Variants in DYRK1A observed in about 807,000 individuals in gnomAD.
The protein encoded by DYRK1A is dual specificity tyrosine phosphorylation regulated kinase 1A.
DYRK1A carries 9 observed loss-of-function variants against 79.7 expected under a neutral mutation model. The observed-to-expected ratio is 0.11, with a 90% CI of 0.07 to 0.20. DYRK1A has a LOEUF of 0.20. DYRK1A is among the 10% of genes least tolerant of loss of function. The pLI is 1.00. For missense variants in DYRK1A, 622 were observed against 956.0 expected (o/e 0.65, Z 4.61); for synonymous variants, 349 against 329.7 (o/e 1.06, Z -0.63).
intron 3 of DYRK1A, 110 bp downstream of exon 3, chr21:37,472,990 A>G (rs2052279480): frequency 1.2e-6 from 1 of 843,720 alleles, no homozygotes; most frequent in Admixed American, 3.1e-5. Context: ...TTTACATGCA[A>G]CGTGGGATTA....
intron 5 of DYRK1A, among the ~76,000 whole-genome samples, chr21:37,485,468 A>C (rs2052824738): frequency 6.6e-6 from 1 of 152,174 alleles, no homozygotes; most frequent in Non-Finnish European, 1.5e-5. Flanking sequence ...GTCACAGTAG[A>C]TTTAGCCTTG....
At chr21:37,369,970 A>G (rs1602344400) in intron 1 of DYRK1A, among the ~76,000 whole-genome samples, 1 of 152,228 alleles carries the variant, frequency 6.6e-6, no homozygotes, top group East Asian at 1.9e-4. Context: ...ATGTCTTGTT[A>G]GGGAATGTGG....
chr21:37,432,974 TAA>T (rs1301962561), intron 2 of DYRK1A, among the ~76,000 whole-genome samples: 67 of 114,862 alleles, frequency 5.8e-4, no homozygotes, highest in African/African-American at 1.7e-3. Context: ...AAACTCCATC[TAA>T]AAAAAAAAAA....
At chr21:37,446,627 T>A (rs983952035) in intron 2 of DYRK1A, among the ~76,000 whole-genome samples, 2 of 151,846 alleles carry the variant, frequency 1.3e-5, no homozygotes, top group Admixed American at 1.3e-4. Flanking sequence ...TTTACAAGTG[T>A]GCTCACACGT....
chr21:37,478,447 T>C (rs1430223336), intron 4 of DYRK1A, 147 bp downstream of exon 4: 6 of 613,110 alleles, frequency 9.8e-6, no homozygotes, highest in Non-Finnish European at 1.6e-5. Flanking sequence ...AGAAATAATA[T>C]TACAATTATG....
intron 2 of DYRK1A, among the ~76,000 whole-genome samples, chr21:37,439,732 G>A (rs536022472): frequency 2.7e-4 from 41 of 152,248 alleles, no homozygotes; most frequent in African/African-American, 9.6e-4. Flanking sequence ...CAAAAAGTTT[G>A]GGGGACCGCT....
At chr21:37,374,621 C>T (rs1214461977) in intron 1 of DYRK1A, among the ~76,000 whole-genome samples, 1 of 151,870 alleles carries the variant, frequency 6.6e-6, no homozygotes. Flanking sequence ...GGTGCGATCT[C>T]GGTTTACTGC....
At chr21:37,477,826 G>A (rs904622683) in intron 3 of DYRK1A, among the ~76,000 whole-genome samples, 1 of 152,132 alleles carries the variant, frequency 6.6e-6, no homozygotes, top group Admixed American at 6.5e-5. Flanking sequence ...TTGTGAACCT[G>A]GTCAGGTTTT....
chr21:37,446,452 A>G (rs1312923169), intron 2 of DYRK1A, among the ~76,000 whole-genome samples: 1 of 152,260 alleles, frequency 6.6e-6, no homozygotes, highest in Admixed American at 6.5e-5. Context: ...AAACTTTTAG[A>G]AAATCATTTA....
chr21:37,378,345 C>T (rs954489304), intron 1 of DYRK1A, among the ~76,000 whole-genome samples: 13 of 152,130 alleles, frequency 8.5e-5, no homozygotes, highest in African/African-American at 2.9e-4. Context: ...CGACCCTGAC[C>T]GACATGGAGA....
intron 1 of DYRK1A, among the ~76,000 whole-genome samples, chr21:37,374,148 G>T (rs1053835546): frequency 6.6e-6 from 1 of 151,848 alleles, no homozygotes; most frequent in Non-Finnish European, 1.5e-5. Flanking sequence ...CTTGTATCAC[G>T]TAAGCAATAT....
Position 37,506,103 on chromosome 21 carries a change from C to T in DYRK1A, c.1524C>T (p.Gly508=), listed in dbSNP as rs2053587564. ...TTTTGTGTTGTGATATTTCAGGTGG[C>T]TCATCGGGGACAAGCAACAGTGGGA... The part of the protein sequence containing the change: ...TTSSTSSSSG[G]SSGTSNSGRA... The change falls in exon 11 of 12, where the codon GGC becomes GGT. Residue 508 remains glycine (G), a synonymous_variant. Transcript: ENST00000647188. 2 of 1,609,784 alleles carry T rather than the reference C, an allele frequency of 1.2e-6. No individual in the cohort carries two copies. The highest frequency in any genetic ancestry group is 2.7e-5 in the African/African-American group (2 of 74,850).
intron 8 of DYRK1A, among the ~76,000 whole-genome samples, chr21:37,495,478 T>C (rs1228556900): frequency 1.3e-5 from 2 of 152,100 alleles, no homozygotes; most frequent in Non-Finnish European, 2.9e-5. Flanking sequence ...ACCAACATGG[T>C]GAAACCCTGT....
At chr21:37,367,844 TGGGAGCGGGGGCCGCGGCCTCCC>T (rs2049343064) in intron 1 of DYRK1A, among the ~76,000 whole-genome samples, 1 of 147,220 alleles carries the variant, frequency 6.8e-6, no homozygotes, top group African/African-American at 2.5e-5. Context: ...TTGCGGAGGG[TGGGAGCGGGGGCCGCGGCCTCCC>T]GGGAGCCGGG....
rs1307961987 is a variant in DYRK1A at position 37,520,425 on chromosome 21, C to A, written c.*7894C>A. On this transcript the variant is annotated 3_prime_UTR_variant, in exon 12 of 12. Transcript: ENST00000647188. ...AGGAAATAATTGCTGCTTTTTTCTT[C>A]TTCTTTATTCTGTTGACTTTGTTGA... is the stretch of plus-strand genomic sequence containing the variant. 6.6e-6 allele frequency: 1 copy of A among 152,256 alleles called. No homozygotes were observed. Among genetic ancestry groups the A allele is most frequent in the East Asian group, 1.9e-4 (1 of 5,182 alleles). 9.4% of individuals were successfully genotyped at this position (152,256 alleles called of 1,614,324 possible).
At chr21:37,455,367 A>G (rs1326649226) in intron 2 of DYRK1A, among the ~76,000 whole-genome samples, 4 of 152,122 alleles carry the variant, frequency 2.6e-5, no homozygotes, top group Non-Finnish European at 5.9e-5. Flanking sequence ...TTTAAATGTC[A>G]TATGTTTAAT....
chr21:37,392,490 A>G (rs2049889212), intron 1 of DYRK1A, among the ~76,000 whole-genome samples: 1 of 152,250 alleles, frequency 6.6e-6, no homozygotes, highest in South Asian at 2.1e-4. Context: ...TATTTTTCAC[A>G]GTTCTGGAGG....
chr21:37,391,631 T>G (rs987161080), intron 1 of DYRK1A, among the ~76,000 whole-genome samples: 1 of 152,238 alleles, frequency 6.6e-6, no homozygotes, highest in Non-Finnish European at 1.5e-5. Flanking sequence ...TGTTCCTGAT[T>G]GGGCTGTTCT....
At chr21:37,447,192 G>T (rs1385030577) in intron 2 of DYRK1A, among the ~76,000 whole-genome samples, 3 of 152,056 alleles carry the variant, frequency 2.0e-5, no homozygotes, top group Non-Finnish European at 4.4e-5. Context: ...TTCTCTGAGG[G>T]CCTTGTTTCC....
Sources: gnomAD v4.1 joint callset for allele counts (sites outside exome capture counted in the v4.1 genomes callset) on GRCh38, gnomAD v4.1.1 for gene constraint, MANE v1.5 for transcripts, NCBI Gene and HGNC (gene_info 2026-07-23, HGNC 2026-07-21) for gene names.